The following MGAT4C variants were observed in gnomAD, a reference collection of about 807,000 sequenced individuals.
MGAT4C encodes the protein alpha-1,3-mannosyl-glycoprotein 4-beta-N-acetylglucosaminyltransferase C.
A neutral mutation model predicts 40.1 loss-of-function variants in MGAT4C; 19 were observed. That is an observed-to-expected ratio of 0.47 (90% CI 0.33 to 0.70). The LOEUF is 0.70. Among genes scored for constraint, MGAT4C ranks in the 30% least tolerant of loss-of-function variants. MGAT4C has a pLI of 0.02. For synonymous variants in MGAT4C, 181 were observed against 187.1 expected, an observed-to-expected ratio of 0.97 and a Z score of 0.27; for missense variants, 491 against 563.2, an observed-to-expected ratio of 0.87 and a Z score of 1.30.
chr12:86,744,967 T>A (rs1346102212), intron 1 of MGAT4C: 2 of 151,544 alleles, frequency 1.3e-5, no homozygotes. Context: ...AGAACCATGA[T>A]GCAAATCCGT....
chr12:86,480,820 T>C (rs1957925582), intron 2 of MGAT4C, among the ~76,000 whole-genome samples: 1 of 151,824 alleles, frequency 6.6e-6, no homozygotes, highest in African/African-American at 2.4e-5. Flanking sequence ...TCTCTTCCCT[T>C]CTCTACAATA....
At chr12:86,332,857 A>G (rs1295446982) in intron 4 of MGAT4C, among the ~76,000 whole-genome samples, 3 of 151,962 alleles carry the variant, frequency 2.0e-5, no homozygotes, top group African/African-American at 7.3e-5. Context: ...CAGGTTGATT[A>G]ACATTTTTTT....
intron 3 of MGAT4C, among the ~76,000 whole-genome samples, chr12:86,383,549 C>CAAAAAAAAAAAAAAAA (rs1159593477): frequency 2.0e-5 from 1 of 49,862 alleles, no homozygotes; most frequent in African/African-American, 1.0e-4. Context: ...CACTTCGTCT[C>CAAAAAAAAAAAAAAAA]AAAAAAAAAA....
chr12:86,594,094 C>T (rs1033454072), intron 2 of MGAT4C, among the ~76,000 whole-genome samples: 1 of 152,124 alleles, frequency 6.6e-6, no homozygotes. Context: ...CAAGGTAGAT[C>T]GTCTGCCTCT....
At chr12:86,345,432 C>T (rs576865443) in intron 3 of MGAT4C, among the ~76,000 whole-genome samples, 1 of 152,100 alleles carries the variant, frequency 6.6e-6, no homozygotes, top group African/African-American at 2.4e-5. Context: ...CCCCTTCCCC[C>T]ACCCCACAAC....
At chr12:86,102,446 C>T (rs112842372) in intron 1 of MGAT4C, among the ~76,000 whole-genome samples, 45 of 151,934 alleles carry the variant, frequency 3.0e-4, no homozygotes, top group African/African-American at 1.0e-3. Context: ...AGTGTATTTA[C>T]CTTTATGAGA....
At chr12:86,277,026 T>C (rs971028814) in intron 4 of MGAT4C, among the ~76,000 whole-genome samples, 1 of 152,190 alleles carries the variant, frequency 6.6e-6, no homozygotes, top group Non-Finnish European at 1.5e-5. Flanking sequence ...TCCCTAGTGG[T>C]TGTACTAATT....
intron 2 of MGAT4C, among the ~76,000 whole-genome samples, chr12:86,514,663 C>T (rs1490012906): frequency 6.6e-6 from 1 of 152,220 alleles, no homozygotes; most frequent in Non-Finnish European, 1.5e-5. Flanking sequence ...ACATTGGACA[C>T]ACTCTGATAA....
chr12:86,479,726 T>A (rs1246044722), intron 2 of MGAT4C, among the ~76,000 whole-genome samples: 2 of 151,914 alleles, frequency 1.3e-5, no homozygotes. Flanking sequence ...GACTTTATTA[T>A]AGAGCAAGAG....
chr12:86,495,666 G>A (rs1419248948), intron 2 of MGAT4C, among the ~76,000 whole-genome samples: 2 of 152,036 alleles, frequency 1.3e-5, no homozygotes, highest in Non-Finnish European at 1.5e-5. Context: ...TTCTTGTGGG[G>A]ATGGTGAAAC....
At chr12:86,768,179 C>T (rs562719316) in intron 1 of MGAT4C, among the ~76,000 whole-genome samples, 36 of 152,252 alleles carry the variant, frequency 2.4e-4, no homozygotes, top group Admixed American at 4.6e-4. Context: ...TCTCAGGATA[C>T]AAAATCAATG....
At chr12:86,549,125 T>C (rs1959231641) in intron 2 of MGAT4C, among the ~76,000 whole-genome samples, 1 of 152,178 alleles carries the variant, frequency 6.6e-6, no homozygotes, top group African/African-American at 2.4e-5. Flanking sequence ...ACTATTTTAT[T>C]TTGTTAATGA....
chr12:85,972,800 A>C lies in MGAT4C; in HGVS notation c.*6489T>G, dbSNP rs1883691076. ...GAACTATACTTTCACTCATTGATGAAGTAAGTTACAACGTGGAATAACAAA... is the reference window on the plus strand; with the variant it reads ...GAACTATACTTTCACTCATTGATGACGTAAGTTACAACGTGGAATAACAAA... On this transcript the variant is annotated 3_prime_UTR_variant, in exon 5 of 5. Coordinates refer to ENST00000611864, the MANE Select transcript of MGAT4C (RefSeq NM_001351288.2). 3 of 151,132 alleles carry C rather than the reference A, an allele frequency of 2.0e-5. No homozygotes were observed. In the South Asian group the frequency reaches 6.2e-4, roughly 31 times the overall value. The allele number at this position is 151,132 out of a possible 1,614,324, so 9.4% of individuals were successfully genotyped here.
At chr12:86,477,089 AAT>A (rs1368765339) in intron 2 of MGAT4C, among the ~76,000 whole-genome samples, 1 of 151,828 alleles carries the variant, frequency 6.6e-6, no homozygotes, top group African/African-American at 2.4e-5. Context: ...ATGAAAAATA[AAT>A]ATATATATAT....
rs73385255 is a variant in MGAT4C at position 86,324,672 on chromosome 12, C to T, written c.-57+9393G>A. On this transcript the variant is annotated intron_variant, in intron 4 of 7. Coordinates refer to the MGAT4C transcript ENST00000548651. ...AGCAATGAGAATATATACGCTTTGA[C>T]AACTAATCCATAGAGAAACGAGAGT... Among the ~76,000 whole-genome samples the T allele has an allele frequency of 3.4e-3, 510 of 151,510 alleles. 3 individuals are homozygous for T. Among genetic ancestry groups the T allele is most frequent in the African/African-American group, 0.012 (497 of 41,370 alleles).
chr12:86,700,735 T>C (rs891066512), intron 2 of MGAT4C, among the ~76,000 whole-genome samples: 1 of 152,160 alleles, frequency 6.6e-6, no homozygotes, highest in Admixed American at 6.6e-5. Context: ...TCTTTGTTAT[T>C]CTAAGTATTG....
intron 2 of MGAT4C, among the ~76,000 whole-genome samples, chr12:86,544,678 G>A (rs1049432027): frequency 6.6e-6 from 1 of 152,020 alleles, no homozygotes. Flanking sequence ...ATATAGCACT[G>A]CTTGGCCAAT....
intron 1 of MGAT4C, among the ~76,000 whole-genome samples, chr12:86,251,137 T>A (rs955872937): frequency 6.6e-6 from 1 of 151,390 alleles, no homozygotes; most frequent in African/African-American, 2.4e-5. Flanking sequence ...TCCCGTTTTT[T>A]TTTTTTTTTT....
At chr12:86,065,407 A>G (rs1272740922) in intron 1 of MGAT4C, among the ~76,000 whole-genome samples, 1 of 152,224 alleles carries the variant, frequency 6.6e-6, no homozygotes, top group Non-Finnish European at 1.5e-5. Flanking sequence ...GGTTCAACAT[A>G]TACCAATCAA....
Sources: gnomAD v4.1 joint callset for allele counts (sites outside exome capture counted in the v4.1 genomes callset) on GRCh38, gnomAD v4.1.1 for gene constraint, MANE v1.5 for transcripts, NCBI Gene and HGNC (gene_info 2026-07-23, HGNC 2026-07-21) for gene names.